ZBTB16: variants seen among roughly 807,000 people sequenced by gnomAD.
ZBTB16 encodes zinc finger and BTB domain-containing protein 16.
In ZBTB16, 8 loss-of-function variants were observed where a neutral mutation model predicts 56.8. The observed-to-expected ratio is 0.14, with a 90% CI of 0.08 to 0.25. The LOEUF is 0.25. Among genes scored for constraint, ZBTB16 ranks in the 10% least tolerant of loss-of-function variants. The probability of loss-of-function intolerance (pLI) is 1.00; values close to 1 mark genes in which losing one functional copy is unlikely to be tolerated. For missense variants in ZBTB16, 625 were observed against 903.0 expected (o/e 0.69, Z 3.95); for synonymous variants, 363 against 368.5 (o/e 0.98, Z 0.17).
intron 2 of ZBTB16, among the ~76,000 whole-genome samples, chr11:114,106,202 C>T (rs1309962671): frequency 1.3e-5 from 2 of 152,122 alleles, no homozygotes; most frequent in East Asian, 1.9e-4. Context: ...AGCAGCACGA[C>T]AGCCGCAGGC....
chr11:114,255,095 A>G lies in ZBTB16; in HGVS notation c.*4540A>G, dbSNP rs986530054. Among the ~76,000 whole-genome samples, 1 of 152,176 alleles carries G rather than the reference A, an allele frequency of 6.6e-6. No individual in the cohort carries two copies. Among genetic ancestry groups the G allele is most frequent in the African/African-American group, 2.4e-5 (1 of 41,444 alleles). ...TGGTGCACCATGACATCCAACCCGT[A>G]TATATAAAGATAAATATATATATAT... is the stretch of plus-strand genomic sequence containing the variant. On this transcript the variant is annotated 3_prime_UTR_variant, in exon 7 of 7. Coordinates refer to ENST00000335953, the MANE Select transcript of ZBTB16 (RefSeq NM_006006.6).
chr11:114,240,048 G>A (rs891819562), intron 4 of ZBTB16, among the ~76,000 whole-genome samples: 12 of 152,172 alleles, frequency 7.9e-5, no homozygotes, highest in African/African-American at 2.9e-4. Flanking sequence ...GCCTAGATTC[G>A]CTCCCCTTCC....
chr11:114,169,081 G>T (rs1942880799), intron 3 of ZBTB16, among the ~76,000 whole-genome samples: 1 of 152,072 alleles, frequency 6.6e-6, no homozygotes, highest in Non-Finnish European at 1.5e-5. Flanking sequence ...GCACTATCCT[G>T]CCAAGTAGGA....
intron 4 of ZBTB16, among the ~76,000 whole-genome samples, chr11:114,191,874 T>C (rs1943502532): frequency 6.6e-6 from 1 of 152,182 alleles, no homozygotes; most frequent in Non-Finnish European, 1.5e-5. Context: ...AAGTAGTCCA[T>C]TGGAGGGTTT....
chr11:114,157,596 C>G (rs552286501), intron 3 of ZBTB16, among the ~76,000 whole-genome samples: 2 of 152,302 alleles, frequency 1.3e-5, no homozygotes, highest in Non-Finnish European at 2.9e-5. Context: ...CTGTCTTTCC[C>G]CTGAGCCCAT....
At chr11:114,167,747 A>AT (rs1220300361) in intron 3 of ZBTB16, among the ~76,000 whole-genome samples, 1 of 151,912 alleles carries the variant, frequency 6.6e-6, no homozygotes, top group African/African-American at 2.4e-5. Flanking sequence ...CAGCTAAATG[A>AT]TTTTTTAAAA....
intron 2 of ZBTB16, among the ~76,000 whole-genome samples, chr11:114,096,344 C>T (rs1399887260): frequency 1.3e-5 from 2 of 152,070 alleles, no homozygotes; most frequent in East Asian, 1.9e-4. Flanking sequence ...AGACATAAGC[C>T]TCTAAAATAT....
chr11:114,139,953 T>C (rs1421719598), intron 2 of ZBTB16, among the ~76,000 whole-genome samples: 1 of 152,158 alleles, frequency 6.6e-6, no homozygotes, highest in African/African-American at 2.4e-5. Flanking sequence ...GTGTCAGACC[T>C]CAGCTCTTGA....
intron 4 of ZBTB16, among the ~76,000 whole-genome samples, chr11:114,196,763 C>G (rs1424374693): frequency 6.6e-6 from 1 of 151,342 alleles, no homozygotes; most frequent in East Asian, 1.9e-4. Context: ...TTGAACTTGC[C>G]TTAGGTACAG....
intron 2 of ZBTB16, among the ~76,000 whole-genome samples, chr11:114,149,630 T>A (rs1239962326): frequency 6.6e-6 from 1 of 152,232 alleles, no homozygotes; most frequent in East Asian, 1.9e-4. Context: ...TTCGGTAATG[T>A]TTATTAATAT....
intron 3 of ZBTB16, among the ~76,000 whole-genome samples, chr11:114,174,540 G>A (rs1943056817): frequency 1.3e-5 from 2 of 152,106 alleles, no homozygotes; most frequent in Non-Finnish European, 2.9e-5. Flanking sequence ...AATTAGCCGG[G>A]CGTGGTGGCA....
chr11:114,152,244 A>G (rs137909225), intron 2 of ZBTB16, among the ~76,000 whole-genome samples: 1 of 152,332 alleles, frequency 6.6e-6, no homozygotes, highest in East Asian at 1.9e-4. Context: ...GGTCTCTGCC[A>G]TTATGGAGTT....
chr11:114,074,082 C>G (rs1295196404), intron 2 of ZBTB16, among the ~76,000 whole-genome samples: 1 of 152,218 alleles, frequency 6.6e-6, no homozygotes, highest in Non-Finnish European at 1.5e-5. Context: ...GCCCCTACCT[C>G]TCAATGTGGT....
At chr11:114,085,649 G>T (rs1003680269) in intron 2 of ZBTB16, among the ~76,000 whole-genome samples, 3 of 152,116 alleles carry the variant, frequency 2.0e-5, no homozygotes, top group African/African-American at 7.2e-5. Flanking sequence ...ATTTGGCCAG[G>T]TTTTAGAGAA....
chr11:114,235,239 C>CA (rs1215257396), intron 4 of ZBTB16, among the ~76,000 whole-genome samples: 2 of 152,172 alleles, frequency 1.3e-5, no homozygotes, highest in African/African-American at 4.8e-5. Flanking sequence ...CACGAGCACA[C>CA]ACGGGCATGC....
At chr11:114,161,144 A>G (rs776259777) in intron 3 of ZBTB16, among the ~76,000 whole-genome samples, 1 of 152,168 alleles carries the variant, frequency 6.6e-6, no homozygotes, top group Admixed American at 6.5e-5. Context: ...CCACAGACAC[A>G]TGCAGTGACT....
chr11:114,091,844 G>A (rs238941), intron 2 of ZBTB16, among the ~76,000 whole-genome samples: 144,152 of 151,996 alleles, frequency 0.95, 68,836 homozygotes, highest in East Asian at 1. Flanking sequence ...CCTCTCCTAA[G>A]CCGGTCAAGC....
At chr11:114,118,358 G>A (rs1040722277) in intron 2 of ZBTB16, among the ~76,000 whole-genome samples, 7 of 152,096 alleles carry the variant, frequency 4.6e-5, no homozygotes, top group African/African-American at 9.7e-5. Context: ...TGTATTTTTA[G>A]TAGAGACAGG....
intron 3 of ZBTB16, among the ~76,000 whole-genome samples, chr11:114,156,858 T>G (rs146097805): frequency 4.9e-4 from 75 of 152,358 alleles, no homozygotes; most frequent in African/African-American, 1.6e-3. Flanking sequence ...CTTTTGCAAG[T>G]TAATTTTATA....
Sources: allele counts gnomAD v4.1 joint callset (sites outside exome capture counted in the v4.1 genomes callset), GRCh38; gene constraint gnomAD v4.1.1; transcripts MANE v1.5; gene names NCBI Gene and HGNC (gene_info 2026-07-23, HGNC 2026-07-21).